HSD17B12: variants seen among roughly 807,000 people sequenced by gnomAD.
HSD17B12 encodes very-long-chain 3-oxoacyl-CoA reductase.
HSD17B12 carries 32 observed loss-of-function variants against 39.3 expected under a neutral mutation model. That is an observed-to-expected ratio of 0.81 (90% confidence interval 0.61 to 1.09). The LOEUF (loss-of-function observed/expected upper bound fraction) is 1.09. Among genes scored for constraint, HSD17B12 ranks in the 50% least tolerant of loss-of-function variants. The pLI, the probability that HSD17B12 is intolerant of heterozygous loss-of-function variation, is 0.00. For synonymous variants in HSD17B12, 150 were observed against 146.7 expected (o/e 1.02, Z -0.16); for missense variants, 342 against 382.9 (o/e 0.89, Z 0.89).
chr11:43,684,508 A>G (rs1039712028), intron 1 of HSD17B12, among the ~76,000 whole-genome samples: 3 of 152,246 alleles, frequency 2.0e-5, no homozygotes, highest in Non-Finnish European at 4.4e-5. Context: ...TATTGAAATA[A>G]AGTGGAGATG....
At chr11:43,749,532 AT>A (rs1565074288) in intron 1 of HSD17B12, among the ~76,000 whole-genome samples, 1 of 152,084 alleles carries the variant, frequency 6.6e-6, no homozygotes, top group Non-Finnish European at 1.5e-5. Flanking sequence ...GCAGGAGGGA[AT>A]ATTAGATGAA....
chr11:43,625,248 G>A, the HSD17B12 span, among the ~76,000 whole-genome samples: 3 of 151,390 alleles, frequency 2.0e-5, no homozygotes, highest in Non-Finnish European at 3.0e-5. Context: ...TTACAATTTT[G>A]TAATACTTGA....
the HSD17B12 span, among the ~76,000 whole-genome samples, chr11:43,600,171 T>C: frequency 6.6e-6 from 1 of 152,176 alleles, no homozygotes; most frequent in Non-Finnish European, 1.5e-5. Context: ...TGTCAAATTT[T>C]GTATTATTTC....
intron 1 of HSD17B12, among the ~76,000 whole-genome samples, chr11:43,682,544 C>CAAAAAAAAAAAAAAAAAA (rs55938101): frequency 4.2e-5 from 5 of 118,444 alleles, no homozygotes; most frequent in African/African-American, 1.6e-4. Flanking sequence ...AGACTCATCT[C>CAAAAAAAAAAAAAAAAAA]AAAAAAAAAA....
chr11:43,777,105 A>G (rs1302009927), intron 3 of HSD17B12, among the ~76,000 whole-genome samples: 1 of 152,164 alleles, frequency 6.6e-6, no homozygotes, highest in Non-Finnish European at 1.5e-5. Context: ...TTTTGGTTCC[A>G]TATGAATTTT....
At chr11:43,679,232 T>C (rs1949718846), upstream of HSD17B12, among the ~76,000 whole-genome samples, 1 of 152,206 alleles carries the variant, frequency 6.6e-6, no homozygotes, top group Non-Finnish European at 1.5e-5. Flanking sequence ...TTTGGCTCTC[T>C]GTTTGTCTGT....
the HSD17B12 span, among the ~76,000 whole-genome samples, chr11:43,656,121 G>A: frequency 6.6e-6 from 1 of 152,040 alleles, no homozygotes; most frequent in Admixed American, 6.6e-5. Context: ...ACTTCTTCCT[G>A]GTTTAGTCTT....
chr11:43,748,051 A>G (rs1353385836), intron 1 of HSD17B12, among the ~76,000 whole-genome samples: 1 of 152,208 alleles, frequency 6.6e-6, no homozygotes, highest in Non-Finnish European at 1.5e-5. Flanking sequence ...CAATTAGAAT[A>G]TGTGTATCCA....
chr11:43,731,915 A>G (rs1235692158), intron 1 of HSD17B12, among the ~76,000 whole-genome samples: 1 of 152,222 alleles, frequency 6.6e-6, no homozygotes, highest in Non-Finnish European at 1.5e-5. Flanking sequence ...ATCTTCTGAC[A>G]TCAAAAGATG....
At chr11:43,607,203 G>A in the HSD17B12 span, among the ~76,000 whole-genome samples, 1 of 151,904 alleles carries the variant, frequency 6.6e-6, no homozygotes, top group Non-Finnish European at 1.5e-5. Flanking sequence ...GTGAATCTTT[G>A]ACTATGACAG....
rs533493144 is a variant in HSD17B12, at chr11:43,680,900, C to T, written c.73C>T (p.Arg25Cys). 1.2e-6 allele frequency: 2 copies of T among 1,613,904 alleles called. No homozygotes were observed. The highest frequency in any genetic ancestry group is 1.3e-5 in the African/African-American group (1 of 74,994). Residue 25 changes from arginine (R) to cysteine (C), a missense_variant, in exon 1 of 11, where the codon CGT becomes TGT. Physicochemically the swap from Arg to Cys is radical, Grantham distance 180 (BLOSUM62 -3). Transcript: ENST00000278353. Reference sequence around the variant, plus strand: ...GGGCACCGTGGCCTACCTAGCCCTGCGTATTTCGTACTCGCTCTTCACGGC... The same window carrying T: ...GGGCACCGTGGCCTACCTAGCCCTGTGTATTTCGTACTCGCTCTTCACGGC... ...GAGTVAYLAL[R>C]ISYSLFTALR...
intron 6 of HSD17B12, chr11:43,830,427 T>A (rs553172680): frequency 6.6e-6 from 1 of 152,348 alleles, no homozygotes; most frequent in African/African-American, 2.4e-5. Context: ...TTACTAGAGA[T>A]CACATCTTAA....
At chr11:43,640,657 CTAGT>C in the HSD17B12 span, among the ~76,000 whole-genome samples, 4 of 151,782 alleles carry the variant, frequency 2.6e-5, no homozygotes, top group East Asian at 5.8e-4. Flanking sequence ...ATAGATAAGG[CTAGT>C]TAATTATTTA....
intron 1 of HSD17B12, chr11:43,733,777 G>C (rs1950290469): frequency 2.9e-6 from 2 of 690,052 alleles, no homozygotes; most frequent in East Asian, 7.1e-5. Flanking sequence ...CAAAGTGTTT[G>C]AGTCCATTGG....
At chr11:43,761,517 C>T (rs1950554974) in intron 3 of HSD17B12, among the ~76,000 whole-genome samples, 1 of 152,240 alleles carries the variant, frequency 6.6e-6, no homozygotes. Context: ...TTTAGATGCT[C>T]ACAAGTTTTT....
chr11:43,792,115 G>A (rs1054985935), intron 3 of HSD17B12, among the ~76,000 whole-genome samples: 13 of 152,164 alleles, frequency 8.5e-5, no homozygotes, highest in African/African-American at 2.9e-4. Context: ...TTCTTTGTTG[G>A]GGGATGTCTC....
chr11:43,617,501 C>G, the HSD17B12 span, among the ~76,000 whole-genome samples: 1 of 152,066 alleles, frequency 6.6e-6, no homozygotes, highest in Admixed American at 6.6e-5. Context: ...TTCCTGTGAT[C>G]TTTGAGATTT....
intron 1 of HSD17B12, among the ~76,000 whole-genome samples, chr11:43,735,793 G>C (rs1950310997): frequency 6.6e-6 from 1 of 152,176 alleles, no homozygotes; most frequent in Non-Finnish European, 1.5e-5. Flanking sequence ...AGTTCTGCAT[G>C]GCTGGGGAGG....
upstream of HSD17B12, among the ~76,000 whole-genome samples, chr11:43,678,866 T>C (rs1269668820): frequency 2.0e-5 from 3 of 152,150 alleles, no homozygotes; most frequent in African/African-American, 7.2e-5. Context: ...AGTCAGGTAG[T>C]GTGATGCCTC....
Sources: gnomAD v4.1 joint callset for allele counts (sites outside exome capture counted in the v4.1 genomes callset) on GRCh38, gnomAD v4.1.1 for gene constraint, MANE v1.5 for transcripts, NCBI Gene and HGNC (gene_info 2026-07-23, HGNC 2026-07-21) for gene names.